C2orf66: variants seen among roughly 807,000 people sequenced by gnomAD.
C2orf66 encodes the protein chromosome 2 open reading frame 66.
In C2orf66, 6 loss-of-function variants were observed where a neutral mutation model predicts 7.0. The ratio of observed to expected loss-of-function variants is 0.86; its 90% CI spans 0.47 to 1.69. The LOEUF is 1.69. Among genes scored for constraint, C2orf66 ranks in the 40% most tolerant of loss-of-function variants. The probability of loss-of-function intolerance (pLI) is 0.01; values close to 1 mark genes in which losing one functional copy is unlikely to be tolerated. For missense variants in C2orf66, 107 were observed against 112.0 expected, an observed-to-expected ratio of 0.96 and a Z score of 0.20; for synonymous variants, 38 against 43.8, an observed-to-expected ratio of 0.87 and a Z score of 0.52.
chr2:196,829,137 C>T, the C2orf66 span, among the ~76,000 whole-genome samples: 10 of 152,092 alleles, frequency 6.6e-5, no homozygotes, highest in South Asian at 1.2e-3. Flanking sequence ...TTCATCTTCA[C>T]CCCCTTTTCC....
rs919845682 is a variant in C2orf66 at position 196,804,467 on chromosome 2, C to A, written c.*961G>T. Among the ~76,000 whole-genome samples the A allele has an allele frequency of 2.0e-5, 3 of 152,130 alleles. No individual in the cohort carries two copies. The highest frequency in any genetic ancestry group is 2.1e-4 in the South Asian group (1 of 4,822). On this transcript the variant is annotated 3_prime_UTR_variant, in exon 3 of 3. Coordinates refer to ENST00000342506, the MANE Select transcript of C2orf66 (RefSeq NM_213608.3). ...TCATATACAATATCAATAATCCACC[C>A]AAAAAAGCCACATTAAAATATTTTG...
the C2orf66 span, among the ~76,000 whole-genome samples, chr2:196,830,277 T>C: frequency 6.6e-6 from 1 of 152,234 alleles, no homozygotes; most frequent in African/African-American, 2.4e-5. Flanking sequence ...CCCCTAAAGA[T>C]CAAATTTCTG....
chr2:196,814,502 C>T, the C2orf66 span, among the ~76,000 whole-genome samples: 2 of 152,084 alleles, frequency 1.3e-5, no homozygotes, highest in African/African-American at 4.8e-5. Flanking sequence ...AACAAACCAA[C>T]ATGGCATGCG....
the C2orf66 span, among the ~76,000 whole-genome samples, chr2:196,828,240 A>T: frequency 2.9e-3 from 412 of 141,370 alleles, 1 homozygote; most frequent in Middle Eastern, 7.0e-3. Context: ...TCACACACAC[A>T]CACACACACA....
the C2orf66 span, among the ~76,000 whole-genome samples, chr2:196,823,202 C>T: frequency 6.6e-6 from 1 of 152,052 alleles, no homozygotes; most frequent in Non-Finnish European, 1.5e-5. Flanking sequence ...GGCTTAACAA[C>T]TACGTAGATG....
At chr2:196,809,084 C>A in intron 1 of C2orf66, 130 bp downstream of exon 1, 2 of 972,584 alleles carry the variant, frequency 2.1e-6, no homozygotes, top group Non-Finnish European at 3.0e-6. Context: ...CTGGTCCAAT[C>A]CTGTTGGAGA....
At chr2:196,807,649 G>C in intron 1 of C2orf66, 27 bp from the exon 2 acceptor site, 1 of 1,572,298 alleles carries the variant, frequency 6.4e-7, no homozygotes, top group South Asian at 1.2e-5. Flanking sequence ...AATGGTCAAT[G>C]CCAGATATAA....
intron 2 of C2orf66, among the ~76,000 whole-genome samples, 185 bp from the exon 3 acceptor site, chr2:196,805,593 T>TC (rs1699811653): frequency 6.6e-6 from 1 of 152,190 alleles, no homozygotes; most frequent in African/African-American, 2.4e-5. Flanking sequence ...GTTTTTTTTT[T>TC]CATAAAAGTA....
the C2orf66 span, among the ~76,000 whole-genome samples, chr2:196,828,811 T>C: frequency 6.6e-6 from 1 of 152,116 alleles, no homozygotes; most frequent in Non-Finnish European, 1.5e-5. Flanking sequence ...GAGTCCCCGG[T>C]TGACAGCCAG....
chr2:196,816,779 T>TA, the C2orf66 span, among the ~76,000 whole-genome samples: 1 of 152,246 alleles, frequency 6.6e-6, no homozygotes, highest in Non-Finnish European at 1.5e-5. Context: ...CAACCGTTTT[T>TA]ATGTAATAGG....
At chr2:196,830,039 A>C in the C2orf66 span, among the ~76,000 whole-genome samples, 10 of 152,208 alleles carry the variant, frequency 6.6e-5, no homozygotes, top group African/African-American at 2.4e-4. Context: ...TCTTCCCTCA[A>C]AATATATCCT....
the C2orf66 span, among the ~76,000 whole-genome samples, chr2:196,829,127 TTCA>T: frequency 1.2e-4 from 18 of 152,110 alleles, no homozygotes; most frequent in Admixed American, 3.3e-4. Flanking sequence ...CACTTCCTTC[TTCA>T]TCTTCACCCC....
upstream of C2orf66, chr2:196,810,411 G>A (rs1450813319): frequency 2.0e-5 from 3 of 152,114 alleles, no homozygotes; most frequent in East Asian, 5.8e-4. Flanking sequence ...ACTTTTTTCT[G>A]AGAACCTCAA....
At position 196,807,396 on chromosome 2, in the gene C2orf66, A is replaced by G. The variant is rs183188105; in HGVS notation, c.*19+28T>C. ...TTATGGCTGACTTGTATGTTTGGACAGATCCAGAATAAAGGGCCAACTTTT... is the reference window on the plus strand; with the variant it reads ...TTATGGCTGACTTGTATGTTTGGACGGATCCAGAATAAAGGGCCAACTTTT... On this transcript the variant is annotated intron_variant, in intron 2 of 2. Coordinates refer to ENST00000342506, the MANE Select transcript of C2orf66 (RefSeq NM_213608.3). The G allele has an allele frequency of 2.2e-3, 2,942 of 1,310,000 alleles. 13 individuals are homozygous for G. Among genetic ancestry groups the G allele is most frequent in the Non-Finnish European group, 3.0e-3 (2,761 of 927,616 alleles). The allele number at this position is 1,310,000 out of a possible 1,614,324, so 81.1% of individuals were successfully genotyped here. A position where few individuals can be genotyped will look rare whatever the true frequency, so the allele number is the denominator to read the frequency against.
upstream of C2orf66, among the ~76,000 whole-genome samples, chr2:196,813,815 G>A (rs866177606): frequency 8.6e-5 from 13 of 151,982 alleles, no homozygotes; most frequent in African/African-American, 2.7e-4. Context: ...CTACAAACAC[G>A]AAAAAAAGCT....
chr2:196,824,595 C>G, the C2orf66 span, among the ~76,000 whole-genome samples: 1 of 152,112 alleles, frequency 6.6e-6, no homozygotes, highest in African/African-American at 2.4e-5. Flanking sequence ...ACTGTAAGGT[C>G]CAGCAACAAG....
At chr2:196,807,657 T>C (rs1157302620) in intron 1 of C2orf66, 35 bp from the exon 2 acceptor site, 4 of 1,525,180 alleles carry the variant, frequency 2.6e-6, no homozygotes, top group East Asian at 4.5e-5. Context: ...ATGCCAGATA[T>C]AAATGAAACA....
At chr2:196,809,074 C>T (rs752074132) in intron 1 of C2orf66, 140 bp downstream of exon 1, 60 of 879,670 alleles carry the variant, frequency 6.8e-5, no homozygotes, top group Non-Finnish European at 9.7e-5. Context: ...TAGTAAAACT[C>T]TGGTCCAATC....
Position 196,809,209 on chromosome 2 carries a change from C to T in C2orf66, c.123+5G>A. ...CTGAAACCCAGGCCCCAAGTGTGTT[C>T]TTACCAGATCTCTGTTTCTGGGGTT... On this transcript the variant is annotated splice_donor_5th_base_variant and intron_variant, in intron 1 of 2. Transcript: ENST00000342506. 1 of 1,613,532 alleles carries T rather than the reference C, an allele frequency of 6.2e-7. No homozygotes were observed. Among genetic ancestry groups the T allele is most frequent in the Non-Finnish European group, 8.5e-7 (1 of 1,179,686 alleles).
Sources: allele counts gnomAD v4.1 joint callset (sites outside exome capture counted in the v4.1 genomes callset), GRCh38; gene constraint gnomAD v4.1.1; transcripts MANE v1.5; gene names NCBI Gene and HGNC (gene_info 2026-07-23, HGNC 2026-07-21).